The following CLXN variants were observed in gnomAD, a reference collection of about 807,000 sequenced individuals.
The protein encoded by CLXN is calaxin, also known as EF-hand calcium binding domain 1.
the CLXN span, chr8:48,714,129 T>C: frequency 6.6e-6 from 1 of 152,264 alleles, no homozygotes; most frequent in Non-Finnish European, 1.5e-5. Context: ...AGGTTGGCTG[T>C]ACTTAGCGGG....
At chr8:48,715,622 G>A in the CLXN span, 2 of 152,172 alleles carry the variant, frequency 1.3e-5, no homozygotes, top group Non-Finnish European at 2.9e-5. Flanking sequence ...CAGTTTTTAT[G>A]ACTGATGGTG....
chr8:48,729,031 C>A, the CLXN span: 1 of 1,593,338 alleles, frequency 6.3e-7, no homozygotes, highest in South Asian at 1.1e-5. Context: ...CAGGGAAAGT[C>A]ATATCAATAC....
the CLXN span, among the ~76,000 whole-genome samples, chr8:48,733,143 A>G: frequency 6.6e-6 from 1 of 152,172 alleles, no homozygotes; most frequent in South Asian, 2.1e-4. Flanking sequence ...AAACCTCCTA[A>G]AAAGCAAGAG....
chr8:48,720,812 G>T, the CLXN span, among the ~76,000 whole-genome samples: 1 of 152,128 alleles, frequency 6.6e-6, no homozygotes, highest in African/African-American at 2.4e-5. Context: ...TGAGACTCAG[G>T]TGGGCATCAT....
the CLXN span, among the ~76,000 whole-genome samples, chr8:48,720,333 A>G: frequency 6.6e-6 from 1 of 152,162 alleles, no homozygotes; most frequent in Non-Finnish European, 1.5e-5. Context: ...ATGGACATGC[A>G]AGTAGGGAAG....
chr8:48,725,335 G>C, the CLXN span, among the ~76,000 whole-genome samples: 1 of 152,202 alleles, frequency 6.6e-6, no homozygotes, highest in Non-Finnish European at 1.5e-5. Flanking sequence ...AGTGATAGTA[G>C]TTAGATATTA....
chr8:48,729,167 T>G, the CLXN span: 4 of 1,566,366 alleles, frequency 2.6e-6, no homozygotes, highest in South Asian at 4.6e-5. Context: ...GAGAAACATG[T>G]TAGGCAACAC....
the CLXN span, chr8:48,735,158 C>A: frequency 1.2e-6 from 2 of 1,614,026 alleles, no homozygotes; most frequent in Non-Finnish European, 1.7e-6. Flanking sequence ...TCATGTCTGG[C>A]GCTCAGAGAA....
At chr8:48,731,378 C>T in the CLXN span, 2 of 1,612,538 alleles carry the variant, frequency 1.2e-6, no homozygotes, top group Non-Finnish European at 1.7e-6. Flanking sequence ...TCTGTCATTC[C>T]AAATGTCACA....
At chr8:48,718,226 C>T in the CLXN span, among the ~76,000 whole-genome samples, 2 of 152,094 alleles carry the variant, frequency 1.3e-5, no homozygotes, top group Non-Finnish European at 2.9e-5. Flanking sequence ...AAAAAATTAT[C>T]TTAAGACAAA....
chr8:48,726,989 A>T, the CLXN span, among the ~76,000 whole-genome samples: 1 of 140,976 alleles, frequency 7.1e-6, no homozygotes, highest in East Asian at 2.2e-4. Flanking sequence ...CACCTCATCC[A>T]TCCACTCATC....
chr8:48,734,990 G>T, the CLXN span: 2 of 1,343,082 alleles, frequency 1.5e-6, no homozygotes, highest in Non-Finnish European at 2.1e-6. Context: ...AGCCCACAGA[G>T]TCCCAGCAGG....
At chr8:48,711,629 G>A in the CLXN span, 1 of 152,200 alleles carries the variant, frequency 6.6e-6, no homozygotes, top group African/African-American at 2.4e-5. Context: ...CACAATACAT[G>A]TACACCACAT....
chr8:48,721,641 A>C, the CLXN span, among the ~76,000 whole-genome samples: 1 of 152,352 alleles, frequency 6.6e-6, no homozygotes, highest in South Asian at 2.1e-4. Context: ...GCCTAAAATA[A>C]ATCCAAGCAT....
chr8:48,724,714 A>T, the CLXN span: 1 of 1,563,390 alleles, frequency 6.4e-7, no homozygotes, highest in Non-Finnish European at 8.7e-7. Flanking sequence ...TTTTTTACTC[A>T]CTTGAGACAA....
At chr8:48,735,199 G>A in the CLXN span, 1 of 1,609,320 alleles carries the variant, frequency 6.2e-7, no homozygotes, top group Non-Finnish European at 8.5e-7. Context: ...CTGGGCGCGC[G>A]GCTACCGAGA....
At chr8:48,732,737 G>C in the CLXN span, among the ~76,000 whole-genome samples, 1 of 152,130 alleles carries the variant, frequency 6.6e-6, no homozygotes, top group Non-Finnish European at 1.5e-5. Flanking sequence ...GGAATGGATA[G>C]ACAAAATGTG....
At chr8:48,730,565 T>C in the CLXN span, 2 of 1,611,262 alleles carry the variant, frequency 1.2e-6, no homozygotes, top group African/African-American at 1.3e-5. Flanking sequence ...CCAAAGATCC[T>C]CGAAGAAACA....
chr8:48,715,413 C>A, the CLXN span: 1 of 152,190 alleles, frequency 6.6e-6, no homozygotes, highest in Admixed American at 6.5e-5. Flanking sequence ...TTAAAGCACC[C>A]CCAAACCAAG....
Sources: gnomAD v4.1 joint callset for allele counts (sites outside exome capture counted in the v4.1 genomes callset) on GRCh38, gnomAD v4.1.1 for gene constraint, MANE v1.5 for transcripts, NCBI Gene and HGNC (gene_info 2026-07-23, HGNC 2026-07-21) for gene names.